The following PUS7L variants were observed in gnomAD, a reference collection of about 807,000 sequenced individuals.
PUS7L encodes pseudouridine synthase 7 like, also known as pseudouridylate synthase PUS7L.
Under a neutral mutation model 51.1 loss-of-function variants are expected in PUS7L, and 49 were observed. The observed-to-expected ratio is 0.96, with a 90% CI of 0.76 to 1.22. The LOEUF (loss-of-function observed/expected upper bound fraction) is 1.22. PUS7L is among the 50% of genes most tolerant of loss of function. The pLI is 0.00. For missense variants in PUS7L, 828 were observed against 820.6 expected (o/e 1.01, Z -0.11); for synonymous variants, 277 against 276.2 (o/e 1.00, Z -0.03).
chr12:43,739,133 C>A (rs1179059822), intron 5 of PUS7L: 1 of 152,450 alleles, frequency 6.6e-6, no homozygotes, highest in Non-Finnish European at 1.5e-5. Context: ...GATCAAGAAC[C>A]ACTCTGAGGG....
intron 7 of PUS7L, among the ~76,000 whole-genome samples, chr12:43,736,139 T>A (rs989712304): frequency 6.6e-6 from 1 of 152,198 alleles, no homozygotes; most frequent in African/African-American, 2.4e-5. Context: ...ATGGGTTTTT[T>A]AAAGGAAGCT....
chr12:43,733,055 C>T (rs1434139148), intron 7 of PUS7L, among the ~76,000 whole-genome samples: 1 of 152,032 alleles, frequency 6.6e-6, no homozygotes, highest in Non-Finnish European at 1.5e-5. Context: ...TAAAGAATTC[C>T]CTCCAGGTTG....
intron 2 of PUS7L, among the ~76,000 whole-genome samples, chr12:43,752,941 C>T (rs1938526371): frequency 1.3e-5 from 2 of 152,014 alleles, no homozygotes; most frequent in Non-Finnish European, 2.9e-5. Flanking sequence ...ACCATCATTC[C>T]TCCTTTTAAC....
intron 5 of PUS7L, among the ~76,000 whole-genome samples, 200 bp from the exon 6 acceptor site, chr12:43,738,591 A>T (rs1232978937): frequency 2.0e-5 from 3 of 152,190 alleles, no homozygotes; most frequent in African/African-American, 7.2e-5. Flanking sequence ...AAATAATTTT[A>T]TATATAGGTT....
chr12:43,742,408 A>G lies in PUS7L; in HGVS notation c.1362+49T>C, dbSNP rs745595589. ...AAAGCAAGGAGCTGGGTTATGTAGT[A>G]AGTATAATTGACAGAAACAGATAAG... On this transcript the variant is annotated intron_variant, in intron 5 of 8. Transcript: ENST00000344862. The G allele has an allele frequency of 3.1e-6, 4 of 1,294,514 alleles. 1 individual carries two copies. In the South Asian group the frequency reaches 4.9e-5, roughly 16 times the overall value. 80.2% of individuals were successfully genotyped at this position (1,294,514 alleles called of 1,614,324 possible). A position where few individuals can be genotyped will look rare whatever the true frequency, so the allele number is the denominator to read the frequency against.
intron 2 of PUS7L, among the ~76,000 whole-genome samples, chr12:43,752,100 C>A (rs953845851): frequency 6.6e-6 from 1 of 152,020 alleles, no homozygotes; most frequent in Admixed American, 6.6e-5. Context: ...GGATATTAGC[C>A]CTTTGTCAGA....
Position 43,736,406 on chromosome 12 carries a change from T to G in PUS7L, c.1700A>C (p.Asp567Ala). 2 of 1,614,064 alleles carry G rather than the reference T, an allele frequency of 1.2e-6. No homozygotes were observed. The highest frequency in any genetic ancestry group is 1.7e-6 in the Non-Finnish European group (2 of 1,179,890). Residue 567 changes from aspartate (D) to alanine (A), a missense_variant, in exon 7 of 9, where the codon GAT becomes GCT. By Grantham distance (126) the Asp-to-Ala change is moderately radical. Coordinates refer to ENST00000344862, the MANE Select transcript of PUS7L (RefSeq NM_031292.5). ...TTTACTATTTGGGAAATTCTCGTCA[T>G]CAATGTCTTCATCCAAACAGACCAA... is the stretch of plus-strand genomic sequence containing the variant. ...GDLVCLDEDIDDENFPNSKIH... is the reference protein window; with the variant it reads ...GDLVCLDEDIADENFPNSKIH...
chr12:43,730,492 T>C lies in PUS7L; in HGVS notation c.1990A>G (p.Lys664Glu). 1 of 1,613,934 alleles carries C rather than the reference T, an allele frequency of 6.2e-7. No homozygotes were observed. Among genetic ancestry groups the C allele is most frequent in the Non-Finnish European group, 8.5e-7 (1 of 1,179,862 alleles). The change falls in exon 9 of 9, where the codon AAA becomes GAA. Residue 664 changes from lysine to glutamate, a missense_variant. Physicochemically the swap from Lys to Glu is moderately conservative, Grantham distance 56. Transcript: ENST00000344862. Reference protein sequence around the residue: ...QLMEDHDIDVKTKGSHIDETA... With the variant: ...QLMEDHDIDVETKGSHIDETA... ...TCATCAATGTGGGAACCTTTCGTTT[T>C]GACATCAATGTCATGATCTTCCATT... is the stretch of plus-strand genomic sequence containing the variant.
Position 43,736,539 on chromosome 12 carries a change from G to A in PUS7L, c.1567C>T (p.Pro523Ser). The A allele has an allele frequency of 6.2e-7, 1 of 1,614,168 alleles. No individual in the cohort carries two copies. The highest frequency in any genetic ancestry group is 1.1e-5 in the South Asian group (1 of 91,078). Reference sequence around the variant, plus strand: ...ACATAGAATATGCGCATGGAATGGGGTAAAGAGAACCATGCCTGGATACAA... The same window carrying A: ...ACATAGAATATGCGCATGGAATGGGATAAAGAGAACCATGCCTGGATACAA... Reference protein sequence around the residue: ...EGCIQAWFSLPHSMRIFYVHA... With the variant: ...EGCIQAWFSLSHSMRIFYVHA... The change falls in exon 7 of 9, where the codon CCC becomes TCC. Residue 523 changes from proline to serine, a missense_variant. Transcript: ENST00000344862.
chr12:43,736,302 T>G, intron 7 of PUS7L, 79 bp downstream of exon 7: 1 of 1,178,058 alleles, frequency 8.5e-7, no homozygotes, highest in Non-Finnish European at 1.2e-6. Flanking sequence ...TTAAAGTGTT[T>G]CTATAATCAG....
Position 43,729,583 on chromosome 12 carries a change from C to T in PUS7L, c.*793G>A, listed in dbSNP as rs1440045883. 1.1e-5 allele frequency: 2 copies of T among 181,630 alleles called. No homozygotes were observed. Among genetic ancestry groups the T allele is most frequent in the African/African-American group, 4.7e-5 (2 of 42,816 alleles). 11.3% of individuals were successfully genotyped at this position (181,630 alleles called of 1,614,324 possible). ...AGCAACAGAAAATGTGGAGATAATC[C>T]TATTATTTGTCATTTATGAAGTTGT... is the stretch of plus-strand genomic sequence containing the variant. On this transcript the variant is annotated 3_prime_UTR_variant, in exon 9 of 9. Coordinates refer to ENST00000344862, the MANE Select transcript of PUS7L (RefSeq NM_031292.5).
At position 43,726,534 on chromosome 12, in the gene PUS7L, T is replaced by C. The variant is rs1024367713; in HGVS notation, c.*3842A>G. 3 of 152,070 alleles carry C rather than the reference T, an allele frequency of 2.0e-5. No homozygotes were observed. The highest frequency in any genetic ancestry group is 2.9e-5 in the Non-Finnish European group (2 of 68,020). The allele number at this position is 152,070 out of a possible 1,614,324, so 9.4% of individuals were successfully genotyped here. A position where few individuals can be genotyped will look rare whatever the true frequency, so the allele number is the denominator to read the frequency against. Reference sequence around the variant, plus strand: ...AAAGCAACTGGAACAAAGCCAATAATTGACAAGTGAAGGCTGGGCATGGTG... The same window carrying C: ...AAAGCAACTGGAACAAAGCCAATAACTGACAAGTGAAGGCTGGGCATGGTG... On this transcript the variant is annotated 3_prime_UTR_variant, in exon 9 of 9. Transcript: ENST00000344862.
chr12:43,746,923 C>T (rs1166033219), intron 3 of PUS7L, among the ~76,000 whole-genome samples: 1 of 152,122 alleles, frequency 6.6e-6, no homozygotes. Flanking sequence ...ATCTCTCTTC[C>T]TTAGAGGGGA....
intron 7 of PUS7L, among the ~76,000 whole-genome samples, chr12:43,733,769 A>G (rs1288738054): frequency 2.6e-5 from 4 of 151,620 alleles, no homozygotes; most frequent in African/African-American, 4.9e-5. Flanking sequence ...GATCATTGAC[A>G]TATCTCTTCT....
At chr12:43,753,750 C>T (rs1240774023) in intron 2 of PUS7L, among the ~76,000 whole-genome samples, 1 of 152,104 alleles carries the variant, frequency 6.6e-6, no homozygotes, top group Non-Finnish European at 1.5e-5. Flanking sequence ...TCTGTGAAAG[C>T]CCCAGAATCA....
In PUS7L at chr12:43,736,490, CAAATTTTGCTGGT is replaced by C. The variant is rs758967711; in HGVS notation, c.1603_1615del (p.Thr535GlyfsTer16). 1 of 1,614,168 alleles carries C rather than the reference CAAATTTTGCTGGT, an allele frequency of 6.2e-7. No individual in the cohort carries two copies. The highest frequency in any genetic ancestry group is 8.5e-7 in the Non-Finnish European group (1 of 1,180,032). ...AAGTCTGTAAGATACTGCCTCATTC[CAAATTTTGCTGGT>C]ATATGCGTGAACATAGAATATGCGC... is the stretch of plus-strand genomic sequence containing the variant. On this transcript the variant is annotated frameshift_variant, in exon 7 of 9. Transcript: ENST00000344862. LOFTEE classifies it high-confidence loss of function.
At chr12:43,751,647 G>A (rs1938452113) in intron 2 of PUS7L, among the ~76,000 whole-genome samples, 1 of 152,080 alleles carries the variant, frequency 6.6e-6, no homozygotes, top group Non-Finnish European at 1.5e-5. Flanking sequence ...GAGTAGTGCT[G>A]CAATAAACAT....
At chr12:43,739,362 A>C (rs1937773611) in intron 5 of PUS7L, 1 of 152,266 alleles carries the variant, frequency 6.6e-6, no homozygotes. Flanking sequence ...CAAAGAAAAC[A>C]CAGCTATAAC....
intron 6 of PUS7L, chr12:43,737,905 A>T (rs1937687820): frequency 5.7e-6 from 1 of 175,724 alleles, no homozygotes; most frequent in African/African-American, 2.4e-5. Context: ...TGACAGGGCT[A>T]ATTGGCAGCT....
Sources: allele counts gnomAD v4.1 joint callset (sites outside exome capture counted in the v4.1 genomes callset), GRCh38; gene constraint gnomAD v4.1.1; transcripts MANE v1.5; gene names NCBI Gene and HGNC (gene_info 2026-07-23, HGNC 2026-07-21).